Variants in CHKA observed in about 807,000 individuals in gnomAD.
CHKA encodes the protein CHETK-alpha.
Under a neutral mutation model 60.1 loss-of-function variants are expected in CHKA, and 34 were observed. The ratio of observed to expected loss-of-function variants is 0.57; its 90% CI spans 0.43 to 0.75. The LOEUF (loss-of-function observed/expected upper bound fraction) is 0.75, where lower values mean the gene tolerates loss of function less well. Ranked by LOEUF, CHKA falls within the 30% of genes least tolerant of loss-of-function variation. The pLI is 0.00. For missense variants in CHKA, 563 were observed against 561.3 expected (o/e 1.00, Z -0.03); for synonymous variants, 217 against 223.1 (o/e 0.97, Z 0.24).
At chr11:68,086,564 T>C (rs1158204142) in intron 2 of CHKA, among the ~76,000 whole-genome samples, 1 of 152,242 alleles carries the variant, frequency 6.6e-6, no homozygotes, top group Non-Finnish European at 1.5e-5. Flanking sequence ...GGTTTATGAC[T>C]AAATGAATAA....
Position 68,120,853 on chromosome 11 carries a change from C to A in CHKA, c.325G>T (p.Asp109Tyr). 7.4e-7 allele frequency: 1 copy of A among 1,342,762 alleles called. No homozygotes were observed. Among genetic ancestry groups the A allele is most frequent in the Non-Finnish European group, 9.7e-7 (1 of 1,031,370 alleles). 83.2% of individuals were successfully genotyped at this position (1,342,762 alleles called of 1,614,324 possible). The part of the protein sequence containing the change: ...LPGAWRGLRE[D>Y]EFHISVIRGG... Reference sequence around the variant, plus strand: ...CTGATGACACTGATGTGGAACTCGTCCTCGCGGAGGCCCCGCCAGGCGCCG... The same window carrying A: ...CTGATGACACTGATGTGGAACTCGTACTCGCGGAGGCCCCGCCAGGCGCCG... The change falls in exon 1 of 12, where the codon GAC (aspartate) becomes TAC (tyrosine). Residue 109 changes from aspartate (D) to tyrosine (Y), a missense_variant. Physicochemically the swap from Asp to Tyr is radical, Grantham distance 160. Transcript: ENST00000265689.
At chr11:68,091,072 G>A (rs1003515387) in intron 2 of CHKA, among the ~76,000 whole-genome samples, 4 of 152,148 alleles carry the variant, frequency 2.6e-5, no homozygotes, top group South Asian at 4.1e-4. Context: ...GCTACTGGAC[G>A]TTGCAGAGCT....
intron 11 of CHKA, among the ~76,000 whole-genome samples, chr11:68,059,211 T>TA (rs1286787412): frequency 6.6e-6 from 1 of 152,218 alleles, no homozygotes; most frequent in Non-Finnish European, 1.5e-5. Flanking sequence ...GGGTTTTTCA[T>TA]ACATGCCTTT....
chr11:68,088,197 C>T (rs890415400), intron 2 of CHKA, among the ~76,000 whole-genome samples: 5 of 150,508 alleles, frequency 3.3e-5, no homozygotes, highest in Admixed American at 3.3e-4. Flanking sequence ...ATTTTGGTCT[C>T]GGAAAATAAT....
At chr11:68,086,072 T>C (rs1857168221) in intron 2 of CHKA, among the ~76,000 whole-genome samples, 1 of 152,152 alleles carries the variant, frequency 6.6e-6, no homozygotes, top group Non-Finnish European at 1.5e-5. Context: ...CCCAACACTT[T>C]GGGAGGCCGA....
Position 68,100,397 on chromosome 11 carries a change from C to T in CHKA, c.351-3267G>A, listed in dbSNP as rs976051920. Among the ~76,000 whole-genome samples, 8 of 152,120 alleles carry T rather than the reference C, an allele frequency of 5.3e-5. No homozygotes were observed. In the South Asian group the frequency reaches 1.0e-3, roughly 20 times the overall value. ...TTGAGGTCAGGAGTTCAAGACCAGC[C>T]TGGCCAACATGGTGAAACCCTGTCT... On this transcript the variant is annotated intron_variant, in intron 1 of 11. Coordinates refer to ENST00000265689, the MANE Select transcript of CHKA (RefSeq NM_001277.3).
intron 2 of CHKA, among the ~76,000 whole-genome samples, chr11:68,096,713 A>G (rs1460191468): frequency 2.0e-5 from 3 of 152,204 alleles, no homozygotes; most frequent in Non-Finnish European, 2.9e-5. Flanking sequence ...GAAAATTTTA[A>G]TCAATATGTA....
chr11:68,054,225 G>T (rs1387941200), intron 11 of CHKA, among the ~76,000 whole-genome samples, 178 bp from the exon 12 acceptor site: 5 of 152,196 alleles, frequency 3.3e-5, no homozygotes, highest in Non-Finnish European at 7.4e-5. Context: ...ACAGGTGCAG[G>T]CTCCTCAAGC....
In CHKA at chr11:68,120,966, T is replaced by TGGGGCAGCGGCAGCGGCA. The variant is rs1858619152; in HGVS notation, c.194_211dup (p.Leu65_Pro70dup). The TGGGGCAGCGGCAGCGGCA allele has an allele frequency of 8.9e-7, 1 of 1,128,738 alleles. No homozygotes were observed. Among genetic ancestry groups the TGGGGCAGCGGCAGCGGCA allele is most frequent in the African/African-American group, 1.6e-5 (1 of 60,848 alleles). 69.9% of individuals were successfully genotyped at this position (1,128,738 alleles called of 1,614,324 possible). On this transcript the variant is annotated inframe_insertion, in exon 1 of 12. Transcript: ENST00000265689. ...TGCGGGCGGCTGCGGCGGCGGGGGC[T>TGGGGCAGCGGCAGCGGCA]GGGGCAGCGGCAGCGGCAGCGGCAG... is the stretch of plus-strand genomic sequence containing the variant.
chr11:68,097,147 G>A lies in CHKA; in HGVS notation c.351-17C>T. The A allele has an allele frequency of 6.3e-7, 1 of 1,590,818 alleles. No individual in the cohort carries two copies. The highest frequency in any genetic ancestry group is 1.3e-5 in the African/African-American group (1 of 74,500). On this transcript the variant is annotated splice_polypyrimidine_tract_variant and intron_variant, in intron 1 of 11. Coordinates refer to ENST00000265689, the MANE Select transcript of CHKA (RefSeq NM_001277.3). ...AGGCCGCCTCTGTCAGAAATAAGAG[G>A]ACAGTAAGTATCTTTATTGCAGGTG... is the stretch of plus-strand genomic sequence containing the variant.
In CHKA at chr11:68,088,706, G is replaced by GA. The variant is rs34956463; in HGVS notation, c.463-7250dup. Among the ~76,000 whole-genome samples the GA allele has an allele frequency of 9.2e-5, 14 of 151,856 alleles. No individual in the cohort carries two copies. The East Asian group carries it at 1.9e-3, about 21-fold the overall frequency. On this transcript the variant is annotated intron_variant, in intron 2 of 11. Coordinates refer to ENST00000265689, the MANE Select transcript of CHKA (RefSeq NM_001277.3). ...AACCTTACTTCTTCCTGATTTCTAT[G>GA]AAAAAAAATGAAATCATCCCGTATT...
Position 68,053,883 on chromosome 11 carries a change from C to T in CHKA, c.*105G>A, listed in dbSNP as rs1196864497. The stretch of plus-strand genomic sequence containing the variant: ...ACACATGTGTTCAGTAGTGAGCCAC[C>T]CAAAGCCTCCTGCCACAGGAGCAGT... On this transcript the variant is annotated 3_prime_UTR_variant, in exon 12 of 12. Coordinates refer to ENST00000265689, the MANE Select transcript of CHKA (RefSeq NM_001277.3). 2.2e-6 allele frequency: 2 copies of T among 893,522 alleles called. No homozygotes were observed. Among genetic ancestry groups the T allele is most frequent in the East Asian group, 5.2e-5 (2 of 38,692 alleles). The allele number at this position is 893,522 out of a possible 1,614,324, so 55.3% of individuals were successfully genotyped here. A position where few individuals can be genotyped will look rare whatever the true frequency, so the allele number is the denominator to read the frequency against.
chr11:68,054,246 C>T (rs1348573022), intron 11 of CHKA, among the ~76,000 whole-genome samples, 199 bp from the exon 12 acceptor site: 1 of 152,178 alleles, frequency 6.6e-6, no homozygotes, highest in East Asian at 1.9e-4. Flanking sequence ...TCCCAGCCCA[C>T]CCCACACACC....
Position 68,081,468 on chromosome 11 carries a change from G to C in CHKA, c.463-11C>G, listed in dbSNP as rs926583530. ...TTTATTACAGGACCTCTATGAATGAGAAAAAGGAAACACTTCTGGTGAGAT... is the reference window on the plus strand; with the variant it reads ...TTTATTACAGGACCTCTATGAATGACAAAAAGGAAACACTTCTGGTGAGAT... On this transcript the variant is annotated splice_polypyrimidine_tract_variant and intron_variant, in intron 2 of 11. Coordinates refer to ENST00000265689, the MANE Select transcript of CHKA (RefSeq NM_001277.3). 3 of 1,609,238 alleles carry C rather than the reference G, an allele frequency of 1.9e-6. No individual in the cohort carries two copies. The highest frequency in any genetic ancestry group is 2.6e-6 in the Non-Finnish European group (3 of 1,176,050).
rs1350777733 is a variant in CHKA, at chr11:68,053,767, T to C, written c.*221A>G. ...ATGTTGCACTATTGCACTATATTTC[T>C]GCTTCCCGATCTCGTTTCTGAGTCC... On this transcript the variant is annotated 3_prime_UTR_variant, in exon 12 of 12. Coordinates refer to ENST00000265689, the MANE Select transcript of CHKA (RefSeq NM_001277.3). The C allele has an allele frequency of 5.9e-6, 3 of 504,234 alleles. No homozygotes were observed. Among genetic ancestry groups the C allele is most frequent in the Admixed American group, 3.6e-5 (1 of 27,860 alleles). The allele number at this position is 504,234 out of a possible 1,614,324, so 31.2% of individuals were successfully genotyped here.
At chr11:68,107,571 T>C (rs753726013) in intron 1 of CHKA, among the ~76,000 whole-genome samples, 12 of 151,924 alleles carry the variant, frequency 7.9e-5, no homozygotes, top group Non-Finnish European at 1.6e-4. Context: ...TCCTTTCCAT[T>C]CTCAATGCTC....
In CHKA at chr11:68,081,010, C is replaced by T. The variant is rs570682580; in HGVS notation, c.516+394G>A. ...GGAAAATGGGTGGCCACCAAAACCA[C>T]TGGGCAGTGACCCGCTTCCTGATGG... On this transcript the variant is annotated intron_variant, in intron 3 of 11. Coordinates refer to ENST00000265689, the MANE Select transcript of CHKA (RefSeq NM_001277.3). 9.2e-5 allele frequency among the ~76,000 whole-genome samples: 14 copies of T among 152,352 alleles called. No individual in the cohort carries two copies. The East Asian group carries it at 2.7e-3, about 29-fold the overall frequency.
At chr11:68,058,639 G>A (rs1856113172) in intron 11 of CHKA, among the ~76,000 whole-genome samples, 1 of 152,190 alleles carries the variant, frequency 6.6e-6, no homozygotes, top group Non-Finnish European at 1.5e-5. Flanking sequence ...ATTAGGTTAA[G>A]CAACTTTTCT....
intron 1 of CHKA, among the ~76,000 whole-genome samples, chr11:68,098,555 C>T (rs534931276): frequency 6.6e-5 from 10 of 152,132 alleles, no homozygotes; most frequent in East Asian, 3.9e-4. Flanking sequence ...TTTGGGAAGA[C>T]GACAACATTC....
Sources: allele counts gnomAD v4.1 joint callset (sites outside exome capture counted in the v4.1 genomes callset), GRCh38; gene constraint gnomAD v4.1.1; transcripts MANE v1.5; gene names NCBI Gene and HGNC (gene_info 2026-07-23, HGNC 2026-07-21).